ADGRA3: variants seen among roughly 807,000 people sequenced by gnomAD.
ADGRA3 encodes the protein G-protein coupled receptor 125.
A neutral mutation model predicts 119.8 loss-of-function variants in ADGRA3; 56 were observed. That is an observed-to-expected ratio of 0.47 (90% CI 0.38 to 0.58). The LOEUF (loss-of-function observed/expected upper bound fraction) is 0.58. Ranked by LOEUF, ADGRA3 falls within the 20% of genes least tolerant of loss-of-function variation. The pLI, the probability that ADGRA3 is intolerant of heterozygous loss-of-function variation, is 0.00. For missense variants in ADGRA3, 1,516 were observed against 1,649.0 expected, an observed-to-expected ratio of 0.92 and a Z score of 1.40; for synonymous variants, 607 against 623.8, an observed-to-expected ratio of 0.97 and a Z score of 0.40.
intron 2 of ADGRA3, among the ~76,000 whole-genome samples, chr4:22,471,137 G>A (rs889533643): frequency 6.6e-6 from 1 of 152,170 alleles, no homozygotes; most frequent in African/African-American, 2.4e-5. Flanking sequence ...GGAGCACCGA[G>A]TGTCTCCCTC....
chr4:22,423,342 T>G (rs1044714099), intron 11 of ADGRA3, among the ~76,000 whole-genome samples: 14 of 152,042 alleles, frequency 9.2e-5, no homozygotes, highest in Non-Finnish European at 1.8e-4. Context: ...CATGGTAACA[T>G]CTAAAAAAGG....
intron 1 of ADGRA3, among the ~76,000 whole-genome samples, chr4:22,486,065 C>T (rs149012219): frequency 1.3e-4 from 20 of 152,338 alleles, no homozygotes; most frequent in African/African-American, 3.4e-4. Context: ...TAAGTTCCTA[C>T]TTCCTTTGCT....
At chr4:22,404,428 A>C (rs61791980) in intron 14 of ADGRA3, among the ~76,000 whole-genome samples, 18,464 of 152,120 alleles carry the variant, frequency 0.12, 1,593 homozygotes, top group East Asian at 0.34. Flanking sequence ...TTGTCAAATG[A>C]TGAACAGTTA....
chr4:22,401,200 C>T (rs1176309325), intron 16 of ADGRA3, among the ~76,000 whole-genome samples: 13 of 152,102 alleles, frequency 8.5e-5, no homozygotes, highest in Admixed American at 6.5e-5. Flanking sequence ...TAACGTGTAA[C>T]ACTAAATTCC....
intron 11 of ADGRA3, among the ~76,000 whole-genome samples, chr4:22,421,881 C>CAAAA (rs754845592): frequency 1.4e-5 from 1 of 70,442 alleles, no homozygotes; most frequent in Non-Finnish European, 2.4e-5. Context: ...ACTCAGTCTC[C>CAAAA]AAAAAAAAAA....
At chr4:22,461,952 A>T (rs1717477700) in intron 2 of ADGRA3, 144 bp from the exon 3 acceptor site, 1 of 464,392 alleles carries the variant, frequency 2.2e-6, no homozygotes, top group Non-Finnish European at 3.8e-6. Flanking sequence ...GCCAAGATCA[A>T]CCCAGTAGTA....
intron 3 of ADGRA3, among the ~76,000 whole-genome samples, chr4:22,456,096 T>C (rs754889199): frequency 3.3e-5 from 5 of 152,228 alleles, no homozygotes; most frequent in South Asian, 2.1e-4. Context: ...ACTAAAAGTA[T>C]TGGATTCCAA....
chr4:22,454,945 G>A lies in ADGRA3; in HGVS notation c.402-8C>T. The A allele has an allele frequency of 6.2e-7, 1 of 1,609,556 alleles. No individual in the cohort carries two copies. Among genetic ancestry groups the A allele is most frequent in the Non-Finnish European group, 8.5e-7 (1 of 1,175,900 alleles). On this transcript the variant is annotated splice_region_variant and splice_polypyrimidine_tract_variant and intron_variant, in intron 3 of 18. Transcript: ENST00000334304. ...CGATTGTTTGTCAGATCCCTAAGGA[G>A]AAGGGTGGAAAAGTGTCTTCAATTA...
At chr4:22,495,853 G>C (rs536164722) in intron 1 of ADGRA3, among the ~76,000 whole-genome samples, 1 of 151,558 alleles carries the variant, frequency 6.6e-6, no homozygotes, top group African/African-American at 2.4e-5. Flanking sequence ...AGCTTGCAGT[G>C]AACAGAGATC....
At chr4:22,414,363 A>G in intron 12 of ADGRA3, 1 of 338,390 alleles carries the variant, frequency 3.0e-6, no homozygotes, top group Non-Finnish European at 5.3e-6. Flanking sequence ...ACACATTTAG[A>G]AAAAAAAAAT....
chr4:22,483,935 G>A (rs1718334351), intron 1 of ADGRA3, among the ~76,000 whole-genome samples: 1 of 152,148 alleles, frequency 6.6e-6, no homozygotes, highest in Non-Finnish European at 1.5e-5. Context: ...CTGGTAAGCT[G>A]CCAGCTAACT....
At chr4:22,389,303 T>C in intron 17 of ADGRA3, 120 bp from the exon 18 acceptor site, 2 of 706,838 alleles carry the variant, frequency 2.8e-6, no homozygotes, top group South Asian at 3.6e-5. Flanking sequence ...TTTATTCCAA[T>C]AATAAGCTGA....
chr4:22,486,102 C>T (rs987823831), intron 1 of ADGRA3, among the ~76,000 whole-genome samples: 14 of 152,180 alleles, frequency 9.2e-5, no homozygotes, highest in African/African-American at 3.1e-4. Context: ...AATCTGATCC[C>T]ATCTGCTTTA....
chr4:22,424,496 A>G, intron 10 of ADGRA3, 144 bp from the exon 11 acceptor site: 1 of 809,126 alleles, frequency 1.2e-6, no homozygotes, highest in Non-Finnish European at 1.9e-6. Context: ...CTTGTTTCTC[A>G]TGAAAACATC....
chr4:22,467,504 T>G (rs1717701954), intron 2 of ADGRA3, among the ~76,000 whole-genome samples: 1 of 152,198 alleles, frequency 6.6e-6, no homozygotes, highest in Non-Finnish European at 1.5e-5. Context: ...CGTTTCCCTT[T>G]TCAGATTTTA....
intron 3 of ADGRA3, among the ~76,000 whole-genome samples, chr4:22,457,179 C>T (rs1457350844): frequency 2.0e-5 from 3 of 152,072 alleles, no homozygotes; most frequent in African/African-American, 4.8e-5. Flanking sequence ...AACTTAAATT[C>T]GTTGATAAAA....
rs137992274 is a variant in ADGRA3 at position 22,388,870 on chromosome 4, T to C, written c.2801A>G (p.Tyr934Cys). The C allele has an allele frequency of 1.2e-4, 188 of 1,614,080 alleles. 1 individual carries two copies. The East Asian group carries it at 4.0e-3, about 34-fold the overall frequency. The change falls in exon 19 of 19, where the codon TAC becomes TGC. Residue 934 changes from tyrosine to cysteine, a missense_variant. Transcript: ENST00000334304. ...CAACTGAATAAATATGCTCAGAAAGTACATGCAGTTTACAAAAGTGATGAA... is the reference window on the plus strand; with the variant it reads ...CAACTGAATAAATATGCTCAGAAAGCACATGCAGTTTACAAAAGTGATGAA... Reference protein sequence around the residue: ...ASFITFVNCMYFLSIFIQLKR... With the variant: ...ASFITFVNCMCFLSIFIQLKR...
At chr4:22,403,951 G>A (rs994840603) in intron 14 of ADGRA3, among the ~76,000 whole-genome samples, 9 of 152,110 alleles carry the variant, frequency 5.9e-5, no homozygotes, top group African/African-American at 1.4e-4. Flanking sequence ...GAGCTTGGCT[G>A]CCAAGTCCTT....
At chr4:22,495,344 G>A (rs148272735) in intron 1 of ADGRA3, among the ~76,000 whole-genome samples, 8 of 152,114 alleles carry the variant, frequency 5.3e-5, no homozygotes, top group East Asian at 3.9e-4. Context: ...GAGTCGGATC[G>A]CAGGGCCCAG....
Sources: allele counts gnomAD v4.1 joint callset (sites outside exome capture counted in the v4.1 genomes callset), GRCh38; gene constraint gnomAD v4.1.1; transcripts MANE v1.5; gene names NCBI Gene and HGNC (gene_info 2026-07-23, HGNC 2026-07-21).